FSTL5: variants seen among roughly 807,000 people sequenced by gnomAD.
The protein encoded by FSTL5 is follistatin-related protein 5.
FSTL5 carries 62 observed loss-of-function variants against 89.1 expected under a neutral mutation model. The ratio of observed to expected loss-of-function variants is 0.70; its 90% CI spans 0.57 to 0.86. The LOEUF (loss-of-function observed/expected upper bound fraction) is 0.86, where lower values mean the gene tolerates loss of function less well. Ranked by LOEUF, FSTL5 falls within the 40% of genes least tolerant of loss-of-function variation. The pLI, the probability that FSTL5 is intolerant of heterozygous loss-of-function variation, is 0.00. For synonymous variants in FSTL5, 383 were observed against 346.2 expected, an observed-to-expected ratio of 1.11 and a Z score of -1.18; for missense variants, 1,057 against 1,001.6, an observed-to-expected ratio of 1.06 and a Z score of -0.75.
chr4:161,533,265 C>G (rs1483976424), intron 10 of FSTL5, among the ~76,000 whole-genome samples: 1 of 150,020 alleles, frequency 6.7e-6, no homozygotes, highest in African/African-American at 2.4e-5. Context: ...AAAGTCCTTA[C>G]AAAAGATTAA....
chr4:162,124,088 CTT>C (rs1163948989), intron 1 of FSTL5, among the ~76,000 whole-genome samples: 5 of 152,010 alleles, frequency 3.3e-5, no homozygotes, highest in African/African-American at 7.2e-5. Flanking sequence ...AATTATATGT[CTT>C]ATGTCTTTTG....
At chr4:162,098,205 C>T (rs985394298) in intron 2 of FSTL5, among the ~76,000 whole-genome samples, 1 of 151,668 alleles carries the variant, frequency 6.6e-6, no homozygotes, top group Non-Finnish European at 1.5e-5. Flanking sequence ...GAGTGAAAAA[C>T]GTATTACATA....
At chr4:162,100,370 C>T (rs558382328) in intron 2 of FSTL5, among the ~76,000 whole-genome samples, 94 of 152,210 alleles carry the variant, frequency 6.2e-4, no homozygotes, top group African/African-American at 2.0e-3. Flanking sequence ...ACCATCCTGG[C>T]TAACACGGTG....
chr4:162,049,366 C>A (rs1327901247), intron 2 of FSTL5, among the ~76,000 whole-genome samples: 1 of 152,156 alleles, frequency 6.6e-6, no homozygotes, highest in African/African-American at 2.4e-5. Context: ...TAACCCAAAT[C>A]CCTAGCTGGA....
chr4:161,515,021 G>C (rs977154930), intron 10 of FSTL5, among the ~76,000 whole-genome samples: 7 of 151,934 alleles, frequency 4.6e-5, no homozygotes, highest in African/African-American at 1.4e-4. Context: ...ATTCCTAGAT[G>C]AAGATAATGA....
chr4:161,672,760 T>A (rs768470405), intron 6 of FSTL5, among the ~76,000 whole-genome samples: 8 of 151,564 alleles, frequency 5.3e-5, no homozygotes, highest in Admixed American at 2.6e-4. Context: ...TTATTGATTT[T>A]AAGTAATTTT....
chr4:161,572,119 G>C (rs1276720909), intron 8 of FSTL5, among the ~76,000 whole-genome samples: 1 of 151,842 alleles, frequency 6.6e-6, no homozygotes, highest in Non-Finnish European at 1.5e-5. Context: ...AGACCATCCA[G>C]ACCAGCCTGG....
chr4:161,997,301 T>G (rs1218782034), intron 3 of FSTL5, among the ~76,000 whole-genome samples: 1 of 152,184 alleles, frequency 6.6e-6, no homozygotes, highest in African/African-American at 2.4e-5. Flanking sequence ...CAATATATCT[T>G]AAGATGTATA....
chr4:162,148,551 A>T (rs1413377500), intron 1 of FSTL5, among the ~76,000 whole-genome samples: 1 of 152,156 alleles, frequency 6.6e-6, no homozygotes, highest in Non-Finnish European at 1.5e-5. Flanking sequence ...TTTAATTAGA[A>T]GTTTTAAAGA....
chr4:161,565,801 T>G (rs1157341761), intron 8 of FSTL5, among the ~76,000 whole-genome samples: 2 of 140,578 alleles, frequency 1.4e-5, no homozygotes, highest in African/African-American at 5.4e-5. Flanking sequence ...GATATTTTCT[T>G]TATCTCTTCA....
intron 8 of FSTL5, among the ~76,000 whole-genome samples, chr4:161,573,600 G>A (rs1299402470): frequency 2.0e-5 from 3 of 150,964 alleles, no homozygotes; most frequent in Non-Finnish European, 4.4e-5. Flanking sequence ...AGGCATGGTG[G>A]TGCATGCCTG....
At chr4:162,124,035 G>A (rs374825076) in intron 1 of FSTL5, among the ~76,000 whole-genome samples, 2 of 152,242 alleles carry the variant, frequency 1.3e-5, no homozygotes, top group African/African-American at 2.4e-5. Context: ...TCTAGGTAGA[G>A]TATTCAGATG....
chr4:161,871,987 A>T (rs919436428), intron 4 of FSTL5, among the ~76,000 whole-genome samples: 2 of 66,512 alleles, frequency 3.0e-5, no homozygotes, highest in Admixed American at 2.4e-4. Context: ...TAATAAAATA[A>T]TTTTTTTAAT....
intron 3 of FSTL5, among the ~76,000 whole-genome samples, chr4:162,013,031 A>C (rs1049836403): frequency 6.6e-6 from 1 of 152,060 alleles, no homozygotes; most frequent in African/African-American, 2.4e-5. Flanking sequence ...TGAAAATACA[A>C]AAATTAGCCA....
chr4:161,976,323 A>G (rs1354190526), intron 3 of FSTL5, among the ~76,000 whole-genome samples: 1 of 152,144 alleles, frequency 6.6e-6, no homozygotes, highest in Non-Finnish European at 1.5e-5. Context: ...CCTTGTATTG[A>G]GAGTGATTAA....
rs1440083831 is a variant in FSTL5 at position 161,421,196 on chromosome 4, C to T, written c.1841+33808G>A. On this transcript the variant is annotated intron_variant, in intron 15 of 15. Transcript: ENST00000306100. The stretch of plus-strand genomic sequence containing the variant: ...TCTACTAAAAATACAAAAACATTAG[C>T]CGGGCGTGGTGGTGTGCACCTGTAG... Among the ~76,000 whole-genome samples the T allele has an allele frequency of 2.6e-5, 4 of 152,056 alleles. No homozygotes were observed. In the East Asian group the frequency reaches 7.8e-4, roughly 30 times the overall value.
At chr4:162,053,949 C>T (rs564755966) in intron 2 of FSTL5, among the ~76,000 whole-genome samples, 3 of 151,750 alleles carry the variant, frequency 2.0e-5, no homozygotes, top group African/African-American at 7.2e-5. Flanking sequence ...AAATTTTCCT[C>T]ATCTCATTTG....
intron 3 of FSTL5, among the ~76,000 whole-genome samples, chr4:161,928,454 G>A (rs548148232): frequency 9.2e-5 from 14 of 151,760 alleles, no homozygotes; most frequent in East Asian, 3.9e-4. Context: ...ACTATAGATC[G>A]GATGGCAAGG....
chr4:161,447,988 T>C (rs62326374), intron 15 of FSTL5, among the ~76,000 whole-genome samples: 20,130 of 151,768 alleles, frequency 0.13, 1,584 homozygotes, highest in Non-Finnish European at 0.19. Context: ...AAATACAGAG[T>C]TTGTGTTTGT....
Sources: allele counts gnomAD v4.1 joint callset (sites outside exome capture counted in the v4.1 genomes callset), GRCh38; gene constraint gnomAD v4.1.1; transcripts MANE v1.5; gene names NCBI Gene and HGNC (gene_info 2026-07-23, HGNC 2026-07-21).